The following ADGRL3 variants were observed in gnomAD, a reference collection of about 807,000 sequenced individuals.
ADGRL3 encodes the protein calcium-independent alpha-latrotoxin receptor 3.
ADGRL3 carries 62 observed loss-of-function variants against 153.5 expected under a neutral mutation model. That is an observed-to-expected ratio of 0.40 (90% CI 0.33 to 0.50). The LOEUF (loss-of-function observed/expected upper bound fraction) is 0.50, where lower values mean the gene tolerates loss of function less well. Among genes scored for constraint, ADGRL3 ranks in the 20% least tolerant of loss-of-function variants. The pLI is 0.47. For synonymous variants in ADGRL3, 710 were observed against 672.5 expected (o/e 1.06, Z -0.86); for missense variants, 1,641 against 1,859.4 (o/e 0.88, Z 2.16).
intron 8 of ADGRL3, among the ~76,000 whole-genome samples, chr4:61,791,730 C>G (rs1006239253): frequency 3.3e-5 from 5 of 152,198 alleles, no homozygotes; most frequent in African/African-American, 1.2e-4. Context: ...CCAGACATTT[C>G]TATACATCTG....
intron 4 of ADGRL3, among the ~76,000 whole-genome samples, chr4:61,575,376 A>G (rs913001061): frequency 6.6e-6 from 1 of 151,958 alleles, no homozygotes; most frequent in Non-Finnish European, 1.5e-5. Context: ...ATCATTTTGG[A>G]TACCCCCACT....
At chr4:62,068,141 TC>T in intron 25 of ADGRL3, 24 bp from the exon 26 acceptor site, 1 of 1,543,706 alleles carries the variant, frequency 6.5e-7, no homozygotes, top group Non-Finnish European at 8.7e-7. Flanking sequence ...GTTTTTTCTT[TC>T]CTTTTCTTCA....
intron 8 of ADGRL3, among the ~76,000 whole-genome samples, chr4:61,764,653 A>G (rs1165211940): frequency 6.6e-6 from 1 of 152,144 alleles, no homozygotes; most frequent in Non-Finnish European, 1.5e-5. Flanking sequence ...TTATAGGTGC[A>G]GGTCACAGGG....
chr4:61,767,438 G>A (rs2097006167), intron 8 of ADGRL3, among the ~76,000 whole-genome samples: 1 of 152,062 alleles, frequency 6.6e-6, no homozygotes, highest in Admixed American at 6.5e-5. Context: ...AACGTAATGT[G>A]GAGTGAGTAG....
chr4:61,696,188 G>C (rs1189178566), intron 6 of ADGRL3, among the ~76,000 whole-genome samples: 1 of 152,144 alleles, frequency 6.6e-6, no homozygotes, highest in Non-Finnish European at 1.5e-5. Context: ...TTTGGTGCTA[G>C]AGACCTAGCT....
chr4:61,668,563 T>G lies in ADGRL3; in HGVS notation c.474-8263T>G, dbSNP rs530302699. ...ATTATATTTCTTTAAGGTAAAGGAA[T>G]GTTATTGAAGTAACATATAAAAGAA... On this transcript the variant is annotated intron_variant, in intron 5 of 26. Transcript: ENST00000683033. Among the ~76,000 whole-genome samples, 10 of 152,298 alleles carry G rather than the reference T, an allele frequency of 6.6e-5. No homozygotes were observed. In the East Asian group the frequency reaches 1.5e-3, roughly 23 times the overall value.
At chr4:61,300,896 C>A (rs1355545621) in intron 1 of ADGRL3, among the ~76,000 whole-genome samples, 1 of 151,660 alleles carries the variant, frequency 6.6e-6, no homozygotes, top group Admixed American at 6.6e-5. Context: ...TCCCGAGTAG[C>A]TGGGATTACA....
chr4:61,583,018 G>A (rs1198363887), intron 4 of ADGRL3, among the ~76,000 whole-genome samples: 5 of 152,000 alleles, frequency 3.3e-5, no homozygotes, highest in African/African-American at 1.2e-4. Flanking sequence ...CAGATATCCT[G>A]ACACCTTAAA....
chr4:61,574,638 A>G (rs533883811), intron 4 of ADGRL3, among the ~76,000 whole-genome samples: 1 of 151,808 alleles, frequency 6.6e-6, no homozygotes, highest in Admixed American at 6.6e-5. Flanking sequence ...TTAAAGTTAA[A>G]CTCAACGAAT....
chr4:61,349,901 T>A (rs1004821912), intron 1 of ADGRL3, among the ~76,000 whole-genome samples: 40 of 152,190 alleles, frequency 2.6e-4, no homozygotes, highest in African/African-American at 8.9e-4. Context: ...CATACCTTGA[T>A]CTTATTTGGT....
chr4:61,269,097 C>T (rs1458149751), intron 1 of ADGRL3, among the ~76,000 whole-genome samples: 2 of 151,528 alleles, frequency 1.3e-5, no homozygotes, highest in Non-Finnish European at 3.0e-5. Flanking sequence ...ATATTTTTGG[C>T]CCCAAGGGAG....
chr4:61,817,251 G>T (rs985714109), intron 9 of ADGRL3, among the ~76,000 whole-genome samples: 1 of 152,032 alleles, frequency 6.6e-6, no homozygotes, highest in Non-Finnish European at 1.5e-5. Context: ...CGGGTGTCCG[G>T]TTTAAACCCC....
At chr4:61,867,261 G>A (rs1451459804) in intron 9 of ADGRL3, among the ~76,000 whole-genome samples, 2 of 151,628 alleles carry the variant, frequency 1.3e-5, no homozygotes, top group South Asian at 4.2e-4. Context: ...CACTTTGGGA[G>A]GCCAAGGTGG....
intron 4 of ADGRL3, among the ~76,000 whole-genome samples, chr4:61,528,543 G>A (rs1425217791): frequency 6.6e-6 from 1 of 152,152 alleles, no homozygotes; most frequent in Non-Finnish European, 1.5e-5. Flanking sequence ...CCACCATATG[G>A]GGATTTATAT....
chr4:61,599,470 T>C (rs1258492432), intron 5 of ADGRL3, among the ~76,000 whole-genome samples: 2 of 152,140 alleles, frequency 1.3e-5, no homozygotes, highest in Non-Finnish European at 2.9e-5. Flanking sequence ...GTAGCTGGGA[T>C]TACAGGTGCC....
rs1345977521 is a variant in ADGRL3, at chr4:61,627,803, A to T, written c.473+40363A>T. ...CTGCTTATATTGCCTTAATTTCCCA[A>T]TTTTTTAAACCTCTCTTTTGCATTA... is the stretch of plus-strand genomic sequence containing the variant. On this transcript the variant is annotated intron_variant, in intron 5 of 26. Transcript: ENST00000683033. 2.0e-5 allele frequency among the ~76,000 whole-genome samples: 3 copies of T among 152,054 alleles called. 1 individual carries two copies. Among genetic ancestry groups the T allele is most frequent in the Non-Finnish European group, 4.4e-5 (3 of 68,006 alleles).
At chr4:61,540,599 C>A (rs570995913) in intron 4 of ADGRL3, among the ~76,000 whole-genome samples, 2 of 152,048 alleles carry the variant, frequency 1.3e-5, no homozygotes, top group African/African-American at 4.8e-5. Flanking sequence ...AATGGATTTT[C>A]TTCAAGGGAT....
chr4:62,047,388 A>G (rs1351125887), intron 25 of ADGRL3, among the ~76,000 whole-genome samples: 5 of 152,106 alleles, frequency 3.3e-5, no homozygotes, highest in Admixed American at 6.6e-5. Context: ...ACAAGAATCA[A>G]TCATTATCAT....
At chr4:61,842,530 G>T (rs2098048492) in intron 9 of ADGRL3, among the ~76,000 whole-genome samples, 1 of 151,928 alleles carries the variant, frequency 6.6e-6, no homozygotes, top group Non-Finnish European at 1.5e-5. Context: ...TCTGCATTGG[G>T]GTACAAACAC....
Sources: gnomAD v4.1 joint callset for allele counts (sites outside exome capture counted in the v4.1 genomes callset) on GRCh38, gnomAD v4.1.1 for gene constraint, MANE v1.5 for transcripts, NCBI Gene and HGNC (gene_info 2026-07-23, HGNC 2026-07-21) for gene names.